INTS7: variants seen among roughly 807,000 people sequenced by gnomAD.
INTS7 encodes integrator complex subunit 7.
In INTS7, 46 loss-of-function variants were observed where a neutral mutation model predicts 109.2. The observed-to-expected ratio is 0.42, with a 90% CI of 0.33 to 0.54. The LOEUF is 0.54. Ranked by LOEUF, INTS7 falls within the 20% of genes least tolerant of loss-of-function variation. The pLI is 0.07. For synonymous variants in INTS7, 412 were observed against 402.9 expected (o/e 1.02, Z -0.27); for missense variants, 929 against 1,132.4 (o/e 0.82, Z 2.58).
chr1:212,024,392 T>C (rs1666832495), intron 1 of INTS7, among the ~76,000 whole-genome samples: 1 of 152,216 alleles, frequency 6.6e-6, no homozygotes, highest in African/African-American at 2.4e-5. Flanking sequence ...TAGTGTTTTG[T>C]AGTTCTCGTT....
chr1:211,996,459 C>T (rs947201917), intron 7 of INTS7, among the ~76,000 whole-genome samples: 1 of 151,774 alleles, frequency 6.6e-6, no homozygotes, highest in African/African-American at 2.4e-5. Flanking sequence ...GTCTTCTTTT[C>T]AAACCCCTGA....
chr1:211,940,772 C>G lies in INTS7; in HGVS notation c.*1052G>C, dbSNP rs1021857038. 3.9e-5 allele frequency: 6 copies of G among 152,236 alleles called. No individual in the cohort carries two copies. The South Asian group carries it at 1.2e-3, about 32-fold the overall frequency. The allele number at this position is 152,236 out of a possible 1,614,324, so 9.4% of individuals were successfully genotyped here. On this transcript the variant is annotated 3_prime_UTR_variant, in exon 20 of 20. Transcript: ENST00000366994. ...TCTAGCATAACTCATCAAGTATAAA[C>G]CAAACCAATCACCAACCAAAGGAAA...
intron 7 of INTS7, among the ~76,000 whole-genome samples, chr1:212,001,197 A>G (rs1297671631): frequency 6.6e-6 from 1 of 151,280 alleles, no homozygotes; most frequent in East Asian, 1.9e-4. Context: ...CTCCCAAAGT[A>G]GCTGGGATTA....
At position 211,941,140 on chromosome 1, in the gene INTS7, T is replaced by C. The variant is rs1025633845; in HGVS notation, c.*684A>G. 6.6e-6 allele frequency: 1 copy of C among 152,242 alleles called. No individual in the cohort carries two copies. The highest frequency in any genetic ancestry group is 2.4e-5 in the African/African-American group (1 of 41,424). The allele number at this position is 152,242 out of a possible 1,614,324, so 9.4% of individuals were successfully genotyped here. ...AGGTTCTGCTACCATGGATAAACCT[T>C]GTAGTGACTGGTCAGAACCTCCCAA... On this transcript the variant is annotated 3_prime_UTR_variant, in exon 20 of 20. Transcript: ENST00000366994.
chr1:212,019,085 AC>A (rs1406341834), intron 3 of INTS7, among the ~76,000 whole-genome samples: 2 of 152,080 alleles, frequency 1.3e-5, no homozygotes, highest in Non-Finnish European at 2.9e-5. Flanking sequence ...TGCTGTCTCT[AC>A]TAAAAGTAAA....
intron 7 of INTS7, among the ~76,000 whole-genome samples, chr1:212,002,379 T>G (rs1665711046): frequency 6.6e-6 from 1 of 152,226 alleles, no homozygotes; most frequent in Non-Finnish European, 1.5e-5. Flanking sequence ...TTTTAGAACT[T>G]AAGTCAGATA....
chr1:212,026,984 TTTTGA>T (rs1288788394), intron 1 of INTS7, among the ~76,000 whole-genome samples: 2 of 152,256 alleles, frequency 1.3e-5, no homozygotes, highest in African/African-American at 4.8e-5. Flanking sequence ...CGAGAGAATG[TTTTGA>T]TTTATCTAAT....
chr1:211,996,036 T>C (rs1253498582), intron 7 of INTS7, among the ~76,000 whole-genome samples: 2 of 152,180 alleles, frequency 1.3e-5, no homozygotes, highest in Non-Finnish European at 2.9e-5. Context: ...CTATCAAAAT[T>C]TCACACACTG....
At chr1:211,982,007 A>T (rs1232950240) in intron 9 of INTS7, among the ~76,000 whole-genome samples, 1 of 152,172 alleles carries the variant, frequency 6.6e-6, no homozygotes, top group East Asian at 1.9e-4. Flanking sequence ...GGTACTAGGA[A>T]CAAGCAGTGC....
At chr1:212,022,107 C>A (rs549366831) in intron 1 of INTS7, among the ~76,000 whole-genome samples, 40 of 152,184 alleles carry the variant, frequency 2.6e-4, no homozygotes, top group African/African-American at 9.1e-4. Context: ...ACTAGATAAG[C>A]ATAAGCAACA....
rs755746111 is a variant in INTS7 at position 211,978,492 on chromosome 1, A to C, written c.1250T>G (p.Val417Gly). 6.2e-7 allele frequency: 1 copy of C among 1,614,188 alleles called. No homozygotes were observed. Among genetic ancestry groups the C allele is most frequent in the South Asian group, 1.1e-5 (1 of 91,078 alleles). Reference protein sequence around the residue: ...ATLKIALNCMVKLAKGRPHLS... With the variant: ...ATLKIALNCMGKLAKGRPHLS... ...ATGGGGCCTGCCCTTGGCCAACTTC[A>C]CCATACAGTTTAGAGCAATCTGCAC... The change falls in exon 11 of 20, where the codon GTG becomes GGG. Residue 417 changes from valine (V) to glycine (G), a missense_variant. Around this residue, in one of 2 missense-constraint regions of INTS7, gnomAD observed 787 missense variants for 901.1 expected, o/e 0.87. Coordinates refer to ENST00000366994, the MANE Select transcript of INTS7 (RefSeq NM_015434.4).
At chr1:211,954,197 TC>T (rs1226197456) in intron 16 of INTS7, among the ~76,000 whole-genome samples, 1 of 152,248 alleles carries the variant, frequency 6.6e-6, no homozygotes, top group African/African-American at 2.4e-5. Context: ...ATAAATGTCT[TC>T]TTTTGAGAAG....
At chr1:211,974,276 A>AATATATATATATATATATAT (rs58474002) in intron 13 of INTS7, among the ~76,000 whole-genome samples, 2 of 92,332 alleles carry the variant, frequency 2.2e-5, no homozygotes, top group African/African-American at 8.5e-5. Context: ...AGAAAAAAAA[A>AATATATATATATATATATAT]ATATATATAT....
chr1:211,985,436 C>T (rs1190805934), intron 8 of INTS7, among the ~76,000 whole-genome samples: 1 of 151,956 alleles, frequency 6.6e-6, no homozygotes, highest in Non-Finnish European at 1.5e-5. Context: ...TTGGAAAATC[C>T]TTGATTTTAT....
At chr1:211,995,566 A>G (rs1001808231) in intron 7 of INTS7, among the ~76,000 whole-genome samples, 5 of 152,222 alleles carry the variant, frequency 3.3e-5, no homozygotes, top group African/African-American at 1.2e-4. Context: ...TGCAAATAGA[A>G]CAGAAGATTC....
At chr1:212,029,802 A>G (rs1233722855) in intron 1 of INTS7, among the ~76,000 whole-genome samples, 1 of 152,258 alleles carries the variant, frequency 6.6e-6, no homozygotes, top group Non-Finnish European at 1.5e-5. Context: ...TCTATACATT[A>G]ATAAAAGGTG....
rs959103074 is a variant in INTS7 at position 211,976,658 on chromosome 1, G to C, written c.1532C>G (p.Ala511Gly). The change falls in exon 12 of 20, where the codon GCA (alanine) becomes GGA (glycine). Residue 511 changes from alanine (A) to glycine (G), a missense_variant. Transcript: ENST00000366994. ...ACTTTCAAGCTGCTGCTTAATTACTGCCTTACTTTCCACAGACAATGCCTT... is the reference window on the plus strand; with the variant it reads ...ACTTTCAAGCTGCTGCTTAATTACTCCCTTACTTTCCACAGACAATGCCTT... ...SQKALSVESK[A>G]VIKQQLESVS... 12 of 1,613,642 alleles carry C rather than the reference G, an allele frequency of 7.4e-6. No individual in the cohort carries two copies. Among genetic ancestry groups the C allele is most frequent in the Non-Finnish European group, 1.0e-5 (12 of 1,179,600 alleles).
At chr1:211,973,091 C>T (rs1664252211) in intron 13 of INTS7, among the ~76,000 whole-genome samples, 2 of 152,172 alleles carry the variant, frequency 1.3e-5, no homozygotes, top group Non-Finnish European at 2.9e-5. Context: ...GCTAGGACCA[C>T]AGGCGCATGC....
At chr1:212,033,577 A>C (rs1667267376) in intron 1 of INTS7, among the ~76,000 whole-genome samples, 1 of 152,178 alleles carries the variant, frequency 6.6e-6, no homozygotes, top group Non-Finnish European at 1.5e-5. Flanking sequence ...AAATTTGAGG[A>C]ATTAAACCAT....
Sources: allele counts gnomAD v4.1 joint callset (sites outside exome capture counted in the v4.1 genomes callset), GRCh38; gene constraint gnomAD v4.1.1; regional missense constraint gnomAD v4.1.1; transcripts MANE v1.5; gene names NCBI Gene and HGNC (gene_info 2026-07-23, HGNC 2026-07-21).